The following TRIO variants were observed in gnomAD, a reference collection of about 807,000 sequenced individuals.
The protein encoded by TRIO is triple functional domain protein.
TRIO carries 58 observed loss-of-function variants against 351.9 expected under a neutral mutation model. That is an observed-to-expected ratio of 0.16 (90% CI 0.13 to 0.21). TRIO has a LOEUF of 0.21. TRIO is among the 10% of genes least tolerant of loss of function. The probability of loss-of-function intolerance (pLI) is 1.00; values close to 1 mark genes in which losing one functional copy is unlikely to be tolerated. For missense variants in TRIO, 3,201 were observed against 4,027.8 expected (o/e 0.79, Z 5.56); for synonymous variants, 1,758 against 1,595.7 (o/e 1.10, Z -2.42).
At chr5:14,369,901 T>C (rs1343307591) in intron 18 of TRIO, among the ~76,000 whole-genome samples, 1 of 152,036 alleles carries the variant, frequency 6.6e-6, no homozygotes, top group Non-Finnish European at 1.5e-5. Flanking sequence ...ATTCCCTTCA[T>C]AGGGAATGAA....
intron 33 of TRIO, among the ~76,000 whole-genome samples, chr5:14,410,176 G>A (rs1276048070): frequency 2.6e-5 from 4 of 152,162 alleles, no homozygotes; most frequent in African/African-American, 4.8e-5. Flanking sequence ...ATTAAACGGC[G>A]TATGAGACTT....
At chr5:14,432,082 T>G (rs1422993850) in intron 34 of TRIO, among the ~76,000 whole-genome samples, 1 of 152,176 alleles carries the variant, frequency 6.6e-6, no homozygotes, top group African/African-American at 2.4e-5. Context: ...CATTGGAGCC[T>G]TAAGAAATTA....
At chr5:14,230,773 T>C (rs780398451) in intron 1 of TRIO, among the ~76,000 whole-genome samples, 20 of 152,210 alleles carry the variant, frequency 1.3e-4, no homozygotes, top group Non-Finnish European at 2.4e-4. Flanking sequence ...TGAGTCTTAA[T>C]CGTTTTGTAA....
chr5:14,500,952 G>A (rs1363922744), intron 53 of TRIO, among the ~76,000 whole-genome samples: 2 of 149,998 alleles, frequency 1.3e-5, no homozygotes, highest in African/African-American at 4.9e-5. Flanking sequence ...AGAGGAGCCA[G>A]GGAGCACCTG....
At chr5:14,481,117 G>A in intron 43 of TRIO, 117 bp from the exon 44 acceptor site, 1 of 1,073,372 alleles carries the variant, frequency 9.3e-7, no homozygotes, top group Non-Finnish European at 1.3e-6. Flanking sequence ...CTTGAGGCCA[G>A]GAGTTCAAGA....
At chr5:14,194,195 A>G (rs964392493) in intron 1 of TRIO, among the ~76,000 whole-genome samples, 2 of 152,176 alleles carry the variant, frequency 1.3e-5, no homozygotes, top group Admixed American at 1.3e-4. Flanking sequence ...TCTTTTTACT[A>G]CTTCCTGGCA....
intron 1 of TRIO, among the ~76,000 whole-genome samples, chr5:14,151,236 A>C (rs1054545483): frequency 1.3e-5 from 2 of 152,216 alleles, no homozygotes; most frequent in African/African-American, 4.8e-5. Flanking sequence ...GGATTTATGA[A>C]GTGTTAGCCC....
intron 1 of TRIO, among the ~76,000 whole-genome samples, chr5:14,225,667 C>T (rs1040842474): frequency 3.3e-5 from 5 of 152,122 alleles, no homozygotes; most frequent in African/African-American, 9.7e-5. Flanking sequence ...TGACACTGCA[C>T]CTGCTTTTAA....
intron 1 of TRIO, among the ~76,000 whole-genome samples, chr5:14,214,292 G>T (rs186863513): frequency 6.6e-6 from 1 of 152,178 alleles, no homozygotes; most frequent in African/African-American, 2.4e-5. Context: ...AGCCCTTCAG[G>T]CCCCAAGGAA....
chr5:14,144,290 C>G (rs249493), intron 1 of TRIO, among the ~76,000 whole-genome samples: 44,409 of 152,056 alleles, frequency 0.29, 6,770 homozygotes, highest in East Asian at 0.48. Context: ...GGAGGCCGAG[C>G]GGACTGAGCC....
chr5:14,186,431 C>T (rs377356841), intron 1 of TRIO, among the ~76,000 whole-genome samples: 6 of 152,230 alleles, frequency 3.9e-5, no homozygotes, highest in Non-Finnish European at 5.9e-5. Flanking sequence ...TGAAAGGCCC[C>T]GATGGAACCT....
chr5:14,481,393 A>G (rs2126605684), intron 44 of TRIO, 109 bp downstream of exon 44: 1 of 1,504,842 alleles, frequency 6.6e-7, no homozygotes, highest in East Asian at 2.3e-5. Flanking sequence ...AAAGCAGTGG[A>G]TGACAGAGTC....
At chr5:14,355,029 G>T (rs1332170420) in intron 11 of TRIO, among the ~76,000 whole-genome samples, 1 of 152,202 alleles carries the variant, frequency 6.6e-6, no homozygotes, top group African/African-American at 2.4e-5. Context: ...CAACTGAGGA[G>T]AGGAAGTTGG....
intron 30 of TRIO, among the ~76,000 whole-genome samples, chr5:14,399,753 C>T (rs1269564274): frequency 6.6e-6 from 1 of 152,160 alleles, no homozygotes; most frequent in Non-Finnish European, 1.5e-5. Context: ...AGGGCAGCAT[C>T]GTCTCTGGAT....
At chr5:14,421,227 A>ATTTATTTAAT (rs57377021) in intron 34 of TRIO, among the ~76,000 whole-genome samples, 2 of 118,078 alleles carry the variant, frequency 1.7e-5, no homozygotes, top group East Asian at 5.0e-4. Context: ...TTATTTATTT[A>ATTTATTTAAT]TTTATTTTAT....
chr5:14,366,594 T>G (rs1325531232), intron 15 of TRIO, among the ~76,000 whole-genome samples: 1 of 152,198 alleles, frequency 6.6e-6, no homozygotes, highest in African/African-American at 2.4e-5. Flanking sequence ...GTGGACTAAT[T>G]ATCAACAATC....
At chr5:14,409,128 T>G (rs967772396) in intron 33 of TRIO, among the ~76,000 whole-genome samples, 2 of 152,128 alleles carry the variant, frequency 1.3e-5, no homozygotes, top group South Asian at 2.1e-4. Flanking sequence ...GGAGAATTCC[T>G]TGGCTGGTAC....
chr5:14,463,063 G>A, intron 36 of TRIO, 138 bp downstream of exon 36: 1 of 1,159,766 alleles, frequency 8.6e-7, no homozygotes, highest in Admixed American at 3.6e-5. Flanking sequence ...TGCTCTTTCA[G>A]GCAGCGTCAG....
intron 1 of TRIO, among the ~76,000 whole-genome samples, chr5:14,251,692 T>G (rs1332199460): frequency 1.3e-5 from 2 of 152,162 alleles, no homozygotes; most frequent in Admixed American, 6.5e-5. Context: ...GCCTTCACCC[T>G]TGCTCACCTC....
Sources: gnomAD v4.1 joint callset for allele counts (sites outside exome capture counted in the v4.1 genomes callset) on GRCh38, gnomAD v4.1.1 for gene constraint, MANE v1.5 for transcripts, NCBI Gene and HGNC (gene_info 2026-07-23, HGNC 2026-07-21) for gene names.